XYLB: variants seen among roughly 807,000 people sequenced by gnomAD.
The protein encoded by XYLB is xylulokinase, also known as xylulose kinase.
A neutral mutation model predicts 78.7 loss-of-function variants in XYLB; 62 were observed. The observed-to-expected ratio is 0.79, with a 90% CI of 0.64 to 0.97. The LOEUF is 0.97. Ranked by LOEUF, XYLB falls within the 50% of genes least tolerant of loss-of-function variation. The probability of loss-of-function intolerance (pLI) is 0.00; values close to 1 mark genes in which losing one functional copy is unlikely to be tolerated. For missense variants in XYLB, 687 were observed against 676.8 expected, an observed-to-expected ratio of 1.02 and a Z score of -0.17; for synonymous variants, 245 against 247.4, an observed-to-expected ratio of 0.99 and a Z score of 0.09.
Position 38,412,821 on chromosome 3 carries a change from G to GA in XYLB, c.1534-108dup, listed in dbSNP as rs1708650232. 7 of 877,834 alleles carry GA rather than the reference G, an allele frequency of 8.0e-6. No homozygotes were observed. In the East Asian group the frequency reaches 2.0e-4, roughly 25 times the overall value. The allele number at this position is 877,834 out of a possible 1,614,324, so 54.4% of individuals were successfully genotyped here. The stretch of plus-strand genomic sequence containing the variant: ...GTGAATTGATGCTTTCTTTCGCCCA[G>GA]AAAAAAAGTTAAATTGCAAGTAAAC... On this transcript the variant is annotated intron_variant, in intron 18 of 18. Coordinates refer to ENST00000207870, the MANE Select transcript of XYLB (RefSeq NM_005108.4).
intron 15 of XYLB, among the ~76,000 whole-genome samples, chr3:38,391,919 A>G (rs1330473614): frequency 6.6e-6 from 1 of 152,230 alleles, no homozygotes; most frequent in Non-Finnish European, 1.5e-5. Flanking sequence ...TGTGATGAGT[A>G]GAGCTACTTT....
In XYLB at chr3:38,376,150, C is replaced by G; in HGVS notation, c.1038C>G (p.Ile346Met). 2 of 1,614,112 alleles carry G rather than the reference C, an allele frequency of 1.2e-6. No homozygotes were observed. Among genetic ancestry groups the G allele is most frequent in the Non-Finnish European group, 1.7e-6 (2 of 1,179,960 alleles). The change falls in exon 13 of 19, where the codon ATC (isoleucine) becomes ATG (methionine). Residue 346 changes from isoleucine (I) to methionine (M), a missense_variant. Transcript: ENST00000207870. ...ATGGCTCCCTCATGAGAGAGAAGATCCGCAACGAGTCTGTATCCCGTTCCT... is the reference window on the plus strand; with the variant it reads ...ATGGCTCCCTCATGAGAGAGAAGATGCGCAACGAGTCTGTATCCCGTTCCT... Reference protein sequence around the residue: ...FKNGSLMREKIRNESVSRSWS... With the variant: ...FKNGSLMREKMRNESVSRSWS...
At position 38,376,941 on chromosome 3, in the gene XYLB, A is replaced by T; in HGVS notation, c.1144A>T (p.Ile382Phe). 1.9e-6 allele frequency: 3 copies of T among 1,613,882 alleles called. No individual in the cohort carries two copies. In the South Asian group the frequency reaches 3.3e-5, roughly 18 times the overall value. The change falls in exon 14 of 19, where the codon ATC becomes TTC. Residue 382 changes from isoleucine to phenylalanine, a missense_variant. By Grantham distance (21) the Ile-to-Phe change is conservative (BLOSUM62 0). Coordinates refer to ENST00000207870, the MANE Select transcript of XYLB (RefSeq NM_005108.4). ...AGGTTTTTATTTTGATGTAATGGAG[A>T]TCACCCCTGAAATTATTGGACGTCA... ...NLGFYFDVME[I>F]TPEIIGRHRF... is the part of the protein sequence containing the mutation.
At chr3:38,410,519 C>A (rs1332627894) in intron 18 of XYLB, among the ~76,000 whole-genome samples, 1 of 152,078 alleles carries the variant, frequency 6.6e-6, no homozygotes, top group African/African-American at 2.4e-5. Context: ...GCAACAGAAG[C>A]CAAAATTGAC....
chr3:38,377,946 T>A (rs933803434), intron 14 of XYLB, among the ~76,000 whole-genome samples: 5 of 152,188 alleles, frequency 3.3e-5, no homozygotes, highest in African/African-American at 1.2e-4. Flanking sequence ...TTTAGTTGGT[T>A]CTTGCTCCTC....
In XYLB at chr3:38,392,949, T is replaced by C. The variant is rs544244530; in HGVS notation, c.1292-2556T>C. ...TCCTGTTGATGTTACAATTTTACCT[T>C]CCACATTTAGGACTTTGATCCATCT... On this transcript the variant is annotated intron_variant, in intron 15 of 18. Transcript: ENST00000207870. Among the ~76,000 whole-genome samples, 10 of 152,344 alleles carry C rather than the reference T, an allele frequency of 6.6e-5. No individual in the cohort carries two copies. In the South Asian group the frequency reaches 1.4e-3, roughly 22 times the overall value.
intron 15 of XYLB, among the ~76,000 whole-genome samples, chr3:38,393,371 C>T (rs1209129727): frequency 6.6e-6 from 1 of 152,134 alleles, no homozygotes; most frequent in Non-Finnish European, 1.5e-5. Context: ...GTCTCAAAGT[C>T]CTGGGCTCAA....
intron 1 of XYLB, among the ~76,000 whole-genome samples, chr3:38,347,868 C>T (rs1705155736): frequency 6.6e-6 from 1 of 152,156 alleles, no homozygotes; most frequent in Admixed American, 6.5e-5. Context: ...ATGGGGTGAC[C>T]GGGGGCACCT....
rs760710938 is a variant in XYLB, at chr3:38,372,745, C to A, written c.847+9C>A. Reference sequence around the variant, plus strand: ...CACTGGGGACAACCCAGGTGAGTATCTCGGGGAGTTTCACTCTCCAGTGAG... The same window carrying A: ...CACTGGGGACAACCCAGGTGAGTATATCGGGGAGTTTCACTCTCCAGTGAG... On this transcript the variant is annotated intron_variant, in intron 10 of 18. Transcript: ENST00000207870. The A allele has an allele frequency of 6.2e-7, 1 of 1,614,070 alleles. No individual in the cohort carries two copies. Among genetic ancestry groups the A allele is most frequent in the Non-Finnish European group, 8.5e-7 (1 of 1,179,946 alleles).
intron 18 of XYLB, among the ~76,000 whole-genome samples, chr3:38,412,609 T>C (rs1708640019): frequency 6.6e-6 from 1 of 152,214 alleles, no homozygotes. Flanking sequence ...AAGTCAAGTC[T>C]ATTTCCCAAA....
At chr3:38,438,716 C>T in the XYLB span, among the ~76,000 whole-genome samples, 1 of 152,172 alleles carries the variant, frequency 6.6e-6, no homozygotes, top group East Asian at 1.9e-4. Context: ...GCTTCCACAG[C>T]GTGGAAGGAA....
At chr3:38,385,648 A>G (rs1707352125) in intron 15 of XYLB, among the ~76,000 whole-genome samples, 1 of 152,214 alleles carries the variant, frequency 6.6e-6, no homozygotes, top group African/African-American at 2.4e-5. Flanking sequence ...GTGGTCCTTC[A>G]AACTGGCCCC....
At chr3:38,347,182 A>G (rs996365278) in intron 1 of XYLB, among the ~76,000 whole-genome samples, 12 of 152,152 alleles carry the variant, frequency 7.9e-5, no homozygotes, top group African/African-American at 2.9e-4. Context: ...ACCCCAGGAA[A>G]CTGCAGGCGC....
chr3:38,358,343 G>GTA, intron 2 of XYLB, among the ~76,000 whole-genome samples: 2 of 85,734 alleles, frequency 2.3e-5, no homozygotes, highest in East Asian at 7.4e-4. Flanking sequence ...GTGTGTGTGT[G>GTA]TGTGTGTGTG....
intron 2 of XYLB, among the ~76,000 whole-genome samples, chr3:38,355,126 G>C (rs545112931): frequency 6.6e-6 from 1 of 152,344 alleles, no homozygotes; most frequent in East Asian, 1.9e-4. Flanking sequence ...AAGTGGCATT[G>C]TGCCAGTTCT....
chr3:38,452,178 C>T, the XYLB span: 1 of 152,208 alleles, frequency 6.6e-6, no homozygotes, highest in African/African-American at 2.4e-5. Flanking sequence ...CTGCTTCTTG[C>T]TTGGCACACA....
At position 38,363,027 on chromosome 3, in the gene XYLB, C is replaced by T; in HGVS notation, c.291+10C>T. ...GTCCGGGGCGGGCCAGGTTCGTTTG[C>T]AGCAGACTCTGTCTGCCATGTGAGG... On this transcript the variant is annotated intron_variant, in intron 4 of 18. Transcript: ENST00000207870. The T allele has an allele frequency of 6.5e-7, 1 of 1,535,616 alleles. No individual in the cohort carries two copies. Among genetic ancestry groups the T allele is most frequent in the Admixed American group, 2.0e-5 (1 of 49,910 alleles).
chr3:38,438,668 G>A, the XYLB span, among the ~76,000 whole-genome samples: 1 of 152,232 alleles, frequency 6.6e-6, no homozygotes, highest in Non-Finnish European at 1.5e-5. Context: ...CAAAGAGTGA[G>A]CAGCAGCAAG....
At position 38,348,640 on chromosome 3, in the gene XYLB, C is replaced by T; in HGVS notation, c.140+8C>T. The T allele has an allele frequency of 1.9e-6, 3 of 1,613,984 alleles. No homozygotes were observed. Among genetic ancestry groups the T allele is most frequent in the Non-Finnish European group, 2.5e-6 (3 of 1,179,862 alleles). Reference sequence around the variant, plus strand: ...AGATCTTCCAGAATTTGGGTATGTACTTGATGTGCATGTGTGTGTGATGGG... The same window carrying T: ...AGATCTTCCAGAATTTGGGTATGTATTTGATGTGCATGTGTGTGTGATGGG... On this transcript the variant is annotated splice_region_variant and intron_variant, in intron 2 of 18. Transcript: ENST00000207870.
Sources: allele counts gnomAD v4.1 joint callset (sites outside exome capture counted in the v4.1 genomes callset), GRCh38; gene constraint gnomAD v4.1.1; transcripts MANE v1.5; gene names NCBI Gene and HGNC (gene_info 2026-07-23, HGNC 2026-07-21).